The following ASIC2 variants were observed in gnomAD, a reference collection of about 807,000 sequenced individuals.
ASIC2 encodes the protein acid-sensing ion channel 2.
A neutral mutation model predicts 57.3 loss-of-function variants in ASIC2; 25 were observed. The observed-to-expected ratio is 0.44, with a 90% CI of 0.32 to 0.61. ASIC2 has a LOEUF of 0.61. Among genes scored for constraint, ASIC2 ranks in the 20% least tolerant of loss-of-function variants. The pLI, the probability that ASIC2 is intolerant of heterozygous loss-of-function variation, is 0.06. For missense variants in ASIC2, 641 were observed against 738.1 expected (o/e 0.87, Z 1.52); for synonymous variants, 319 against 307.5 (o/e 1.04, Z -0.39).
In ASIC2 at chr17:33,767,942, TA is replaced by T. The variant is rs574256724; in HGVS notation, c.555+388035del. 2.2e-3 allele frequency among the ~76,000 whole-genome samples: 335 copies of T among 152,296 alleles called. 1 individual carries two copies. Among genetic ancestry groups the T allele is most frequent in the Non-Finnish European group, 3.6e-3 (246 of 68,014 alleles). On this transcript the variant is annotated intron_variant, in intron 1 of 9. Transcript: ENST00000359872. ...AACAGTGTAACATCTACATAAATTC[TA>T]ATAGAAAATCTAAACTATGTGGGAA...
intron 3 of ASIC2, among the ~76,000 whole-genome samples, chr17:33,076,244 C>T (rs2092088638): frequency 6.6e-6 from 1 of 152,168 alleles, no homozygotes; most frequent in Admixed American, 6.5e-5. Flanking sequence ...TATGTCCTTG[C>T]AAGTGCTAGG....
chr17:33,151,200 C>T (rs962244871), intron 1 of ASIC2, among the ~76,000 whole-genome samples: 5 of 134,754 alleles, frequency 3.7e-5, no homozygotes, highest in African/African-American at 8.5e-5. Flanking sequence ...CACACACACA[C>T]GCGCGCACAC....
chr17:33,427,195 G>A (rs1911248621), intron 1 of ASIC2, among the ~76,000 whole-genome samples: 1 of 152,144 alleles, frequency 6.6e-6, no homozygotes, highest in Non-Finnish European at 1.5e-5. Context: ...ATTTTAAACA[G>A]GAGTGTAATG....
At chr17:33,728,270 T>C (rs886886202) in intron 1 of ASIC2, among the ~76,000 whole-genome samples, 1 of 152,138 alleles carries the variant, frequency 6.6e-6, no homozygotes, top group African/African-American at 2.4e-5. Flanking sequence ...GGTTTGGCTC[T>C]AGCTGGGACA....
At chr17:33,654,621 T>C (rs1402876032) in intron 1 of ASIC2, among the ~76,000 whole-genome samples, 1 of 152,230 alleles carries the variant, frequency 6.6e-6, no homozygotes, top group East Asian at 1.9e-4. Flanking sequence ...TCTTTGTATC[T>C]CTTAGAGTCT....
intron 1 of ASIC2, among the ~76,000 whole-genome samples, chr17:34,091,777 C>T (rs888790685): frequency 6.6e-6 from 1 of 152,148 alleles, no homozygotes; most frequent in African/African-American, 2.4e-5. Flanking sequence ...CAGTTGACTT[C>T]CAAGAGGCAG....
At chr17:34,067,296 A>G (rs1288893174) in intron 1 of ASIC2, among the ~76,000 whole-genome samples, 2 of 152,238 alleles carry the variant, frequency 1.3e-5, no homozygotes, top group Non-Finnish European at 2.9e-5. Flanking sequence ...CTTCAGATGA[A>G]AGAAATTGAA....
At chr17:33,470,926 C>T (rs969308217) in intron 1 of ASIC2, among the ~76,000 whole-genome samples, 6 of 141,674 alleles carry the variant, frequency 4.2e-5, no homozygotes, top group African/African-American at 1.6e-4. Context: ...CTGAATCTTG[C>T]ACATCATTTC....
chr17:33,791,635 C>G (rs962242955), intron 1 of ASIC2, among the ~76,000 whole-genome samples: 5 of 152,068 alleles, frequency 3.3e-5, no homozygotes, highest in African/African-American at 1.2e-4. Flanking sequence ...GAGGAGGTGG[C>G]CTTTGGCTCC....
At chr17:33,847,933 G>A (rs1913656680) in intron 1 of ASIC2, among the ~76,000 whole-genome samples, 1 of 152,066 alleles carries the variant, frequency 6.6e-6, no homozygotes, top group Admixed American at 6.5e-5. Context: ...AAATATATGG[G>A]GAGGAAGAGG....
At chr17:33,375,666 A>G (rs1191861306) in intron 1 of ASIC2, among the ~76,000 whole-genome samples, 11 of 152,190 alleles carry the variant, frequency 7.2e-5, no homozygotes, top group Non-Finnish European at 1.3e-4. Flanking sequence ...AAAGTCATCC[A>G]AGGGAAGGTC....
intron 1 of ASIC2, among the ~76,000 whole-genome samples, chr17:33,397,048 G>A (rs751416065): frequency 6.6e-6 from 1 of 152,230 alleles, no homozygotes; most frequent in African/African-American, 2.4e-5. Context: ...CATATTCCGA[G>A]TCATCCCTCT....
rs574770113 is a variant in ASIC2, at chr17:33,259,184, A to G, written c.708+32224T>C. ...GGGCATCTCGGAACGGACAGTTTTG[A>G]AACACCAAAGGCACTTTAAAAAATA... On this transcript the variant is annotated intron_variant, in intron 1 of 9. Coordinates refer to ENST00000225823, the MANE Select transcript of ASIC2 (RefSeq NM_183377.2). 6.6e-5 allele frequency among the ~76,000 whole-genome samples: 10 copies of G among 152,350 alleles called. No homozygotes were observed. In the East Asian group the frequency reaches 1.7e-3, roughly 26 times the overall value.
At chr17:33,228,982 C>A (rs1005454646) in intron 1 of ASIC2, among the ~76,000 whole-genome samples, 1 of 152,140 alleles carries the variant, frequency 6.6e-6, no homozygotes, top group Non-Finnish European at 1.5e-5. Context: ...GAGAAAGGTA[C>A]CCAGATATGC....
chr17:33,064,851 T>C (rs1282063238), intron 3 of ASIC2, among the ~76,000 whole-genome samples: 1 of 152,254 alleles, frequency 6.6e-6, no homozygotes, highest in Admixed American at 6.5e-5. Context: ...GTCCACATTT[T>C]ATTCTTTCTA....
At chr17:33,735,841 A>G (rs1399626808) in intron 1 of ASIC2, among the ~76,000 whole-genome samples, 1 of 152,148 alleles carries the variant, frequency 6.6e-6, no homozygotes, top group East Asian at 1.9e-4. Flanking sequence ...GCCACAGTCA[A>G]CAAGCCTTAT....
At chr17:34,130,854 AATT>A (rs1312143911) in intron 1 of ASIC2, among the ~76,000 whole-genome samples, 1 of 152,224 alleles carries the variant, frequency 6.6e-6, no homozygotes, top group African/African-American at 2.4e-5. Flanking sequence ...TTATACATGA[AATT>A]ATTATACGGC....
At chr17:33,319,173 C>T (rs530262643) in intron 1 of ASIC2, among the ~76,000 whole-genome samples, 2 of 152,212 alleles carry the variant, frequency 1.3e-5, no homozygotes, top group African/African-American at 2.4e-5. Flanking sequence ...GAGCTTGCAG[C>T]GAGCCACAGT....
intron 1 of ASIC2, among the ~76,000 whole-genome samples, chr17:33,808,650 T>C (rs1170416405): frequency 2.6e-5 from 4 of 152,202 alleles, no homozygotes; most frequent in Non-Finnish European, 5.9e-5. Flanking sequence ...CTACTTTCTG[T>C]GTGGTGATGA....
Sources: gnomAD v4.1 joint callset for allele counts (sites outside exome capture counted in the v4.1 genomes callset) on GRCh38, gnomAD v4.1.1 for gene constraint, MANE v1.5 for transcripts, NCBI Gene and HGNC (gene_info 2026-07-23, HGNC 2026-07-21) for gene names.